WDFY2: variants seen among roughly 807,000 people sequenced by gnomAD.
WDFY2 encodes the protein WD repeat and FYVE domain containing 2, also known as WD repeat and FYVE domain-containing protein 2.
Under a neutral mutation model 56.4 loss-of-function variants are expected in WDFY2, and 36 were observed. The observed-to-expected ratio is 0.64, with a 90% CI of 0.49 to 0.84. WDFY2 has a LOEUF of 0.84. Among genes scored for constraint, WDFY2 ranks in the 40% least tolerant of loss-of-function variants. The pLI, the probability that WDFY2 is intolerant of heterozygous loss-of-function variation, is 0.00. For missense variants in WDFY2, 444 were observed against 512.2 expected, an observed-to-expected ratio of 0.87 and a Z score of 1.29; for synonymous variants, 176 against 183.7, an observed-to-expected ratio of 0.96 and a Z score of 0.34.
chr13:51,680,419 A>G (rs566577449), intron 3 of WDFY2, among the ~76,000 whole-genome samples: 2 of 152,232 alleles, frequency 1.3e-5, no homozygotes, highest in South Asian at 2.1e-4. Context: ...ACCTTCTTAT[A>G]AAGACACCAG....
At chr13:51,714,309 G>A (rs1388377115) in intron 4 of WDFY2, among the ~76,000 whole-genome samples, 1 of 151,174 alleles carries the variant, frequency 6.6e-6, no homozygotes, top group Admixed American at 6.6e-5. Flanking sequence ...TTTGTTTTTT[G>A]ATAGAGAGTT....
chr13:51,689,472 C>T (rs1183155478), intron 3 of WDFY2, among the ~76,000 whole-genome samples: 1 of 152,156 alleles, frequency 6.6e-6, no homozygotes, highest in Non-Finnish European at 1.5e-5. Flanking sequence ...CAAGCAGCTG[C>T]TGTGGTTGCA....
In WDFY2 at chr13:51,627,055, G is replaced by A. The variant is rs1166872059; in HGVS notation, c.138-33541G>A. On this transcript the variant is annotated intron_variant, in intron 1 of 11. Transcript: ENST00000298125. ...GGCGGGCAGCTTCAGATGTTGGCAT[G>A]GGTGCCGGCTCCATGCCAGCCTGTG... 3.3e-5 allele frequency among the ~76,000 whole-genome samples: 5 copies of A among 152,366 alleles called. No individual in the cohort carries two copies. In the East Asian group the frequency reaches 9.7e-4, roughly 29 times the overall value.
chr13:51,603,650 T>C (rs983782515), intron 1 of WDFY2, among the ~76,000 whole-genome samples: 1 of 152,238 alleles, frequency 6.6e-6, no homozygotes, highest in Admixed American at 6.5e-5. Flanking sequence ...AAAAGCAGCA[T>C]GGAAGAAGGA....
chr13:51,654,830 C>T (rs182834199), intron 1 of WDFY2, among the ~76,000 whole-genome samples: 260 of 151,836 alleles, frequency 1.7e-3, no homozygotes, highest in African/African-American at 6.0e-3. Context: ...GATAAGAGAA[C>T]AGATATTTTT....
intron 7 of WDFY2, among the ~76,000 whole-genome samples, chr13:51,739,455 T>C (rs1952915257): frequency 6.6e-6 from 1 of 151,236 alleles, no homozygotes; most frequent in South Asian, 2.1e-4. Context: ...GGGAAGAATA[T>C]AACAGTAAAA....
intron 1 of WDFY2, among the ~76,000 whole-genome samples, chr13:51,616,898 A>C (rs1395284018): frequency 6.6e-6 from 1 of 152,236 alleles, no homozygotes; most frequent in East Asian, 1.9e-4. Flanking sequence ...AGTCACTTAC[A>C]CCAAGCTAGA....
intron 1 of WDFY2, among the ~76,000 whole-genome samples, chr13:51,607,066 AAAATTTGTATGCTTTTCTCCTCTT>A (rs1322350584): frequency 6.6e-6 from 1 of 152,208 alleles, no homozygotes; most frequent in Non-Finnish European, 1.5e-5. Flanking sequence ...TCTGTTCCCT[AAAATTTGTATGCTTTTCTCCTCTT>A]AGAAACACCC....
intron 1 of WDFY2, among the ~76,000 whole-genome samples, chr13:51,620,533 T>A (rs1156791712): frequency 6.6e-6 from 1 of 152,070 alleles, no homozygotes; most frequent in African/African-American, 2.4e-5. Context: ...ACCTTTGTAG[T>A]GGCATTATCT....
intron 1 of WDFY2, among the ~76,000 whole-genome samples, chr13:51,653,713 G>T (rs1955450467): frequency 1.3e-5 from 2 of 152,344 alleles, no homozygotes; most frequent in Middle Eastern, 3.4e-3. Context: ...AGAGGCTGCA[G>T]AGCAGTGAAT....
chr13:51,649,524 G>A (rs1447384127), intron 1 of WDFY2, among the ~76,000 whole-genome samples: 4 of 151,126 alleles, frequency 2.6e-5, no homozygotes, highest in East Asian at 1.9e-4. Context: ...TGCTGCACCC[G>A]TTAACTCGTA....
intron 3 of WDFY2, among the ~76,000 whole-genome samples, chr13:51,677,047 A>G (rs757619980): frequency 3.9e-5 from 6 of 152,226 alleles, no homozygotes; most frequent in Non-Finnish European, 7.3e-5. Context: ...TTGGCTTTGA[A>G]GGCAAGAAAG....
At chr13:51,679,127 G>A (rs546050560) in intron 3 of WDFY2, among the ~76,000 whole-genome samples, 3 of 152,220 alleles carry the variant, frequency 2.0e-5, no homozygotes, top group East Asian at 1.9e-4. Flanking sequence ...ATTATGTAAC[G>A]TAAAGGTACT....
chr13:51,655,838 G>A (rs761821096), intron 1 of WDFY2, among the ~76,000 whole-genome samples: 3 of 152,032 alleles, frequency 2.0e-5, no homozygotes, highest in Non-Finnish European at 4.4e-5. Context: ...ATCTCTACTT[G>A]TAATAGGTTT....
chr13:51,687,285 C>G (rs1387044089), intron 3 of WDFY2, among the ~76,000 whole-genome samples: 1 of 151,706 alleles, frequency 6.6e-6, no homozygotes, highest in Non-Finnish European at 1.5e-5. Context: ...GCTGAAAAAC[C>G]CCTCCTCTTG....
At chr13:51,649,446 TTAAG>T (rs1955326588) in intron 1 of WDFY2, among the ~76,000 whole-genome samples, 1 of 151,984 alleles carries the variant, frequency 6.6e-6, no homozygotes, top group Admixed American at 6.5e-5. Context: ...TTTAAATACT[TTAAG>T]TTTTAGGGTA....
intron 1 of WDFY2, among the ~76,000 whole-genome samples, chr13:51,628,888 G>C (rs1954893916): frequency 6.6e-6 from 1 of 152,180 alleles, no homozygotes; most frequent in Non-Finnish European, 1.5e-5. Context: ...CCAGGGTTTT[G>C]ACCTCTTCTG....
chr13:51,715,569 C>T (rs190711501), intron 4 of WDFY2, among the ~76,000 whole-genome samples: 2 of 152,214 alleles, frequency 1.3e-5, no homozygotes, highest in East Asian at 3.9e-4. Flanking sequence ...ATACTTCCTG[C>T]AGGACCTGCA....
At chr13:51,683,419 C>A (rs1319553487) in intron 3 of WDFY2, among the ~76,000 whole-genome samples, 1 of 152,158 alleles carries the variant, frequency 6.6e-6, no homozygotes, top group African/African-American at 2.4e-5. Context: ...ACTTTGAGTT[C>A]ATCTTTTATA....
Sources: allele counts gnomAD v4.1 joint callset (sites outside exome capture counted in the v4.1 genomes callset), GRCh38; gene constraint gnomAD v4.1.1; transcripts MANE v1.5; gene names NCBI Gene and HGNC (gene_info 2026-07-23, HGNC 2026-07-21).